CTNND2: variants seen among roughly 807,000 people sequenced by gnomAD.
The protein encoded by CTNND2 is catenin delta-2.
A neutral mutation model predicts 144.4 loss-of-function variants in CTNND2; 22 were observed. That is an observed-to-expected ratio of 0.15 (90% CI 0.11 to 0.22). The LOEUF is 0.22. Ranked by LOEUF, CTNND2 falls within the 10% of genes least tolerant of loss-of-function variation. The pLI is 1.00. For missense variants in CTNND2, 1,353 were observed against 1,618.8 expected, an observed-to-expected ratio of 0.84 and a Z score of 2.82; for synonymous variants, 751 against 695.6, an observed-to-expected ratio of 1.08 and a Z score of -1.25.
At chr5:11,236,910 C>G in intron 9 of CTNND2, 87 bp from the exon 10 acceptor site, 1 of 1,401,384 alleles carries the variant, frequency 7.1e-7, no homozygotes, top group East Asian at 2.3e-5. Context: ...ATGAAATGTA[C>G]CTGACTCTAA....
intron 9 of CTNND2, among the ~76,000 whole-genome samples, chr5:11,333,069 C>A (rs75148797): frequency 0.014 from 2,134 of 152,292 alleles, 25 homozygotes; most frequent in Admixed American, 0.031. Context: ...TGGACTAATA[C>A]ATATTCATCC....
At chr5:11,006,208 G>A (rs1314194661) in intron 18 of CTNND2, among the ~76,000 whole-genome samples, 2 of 152,216 alleles carry the variant, frequency 1.3e-5, no homozygotes, top group African/African-American at 4.8e-5. Context: ...AATAAGAATA[G>A]TGACAAAGCA....
intron 2 of CTNND2, among the ~76,000 whole-genome samples, chr5:11,647,670 G>C (rs1033462994): frequency 6.6e-6 from 1 of 151,880 alleles, no homozygotes; most frequent in Non-Finnish European, 1.5e-5. Flanking sequence ...TTCTTTCTGG[G>C]CTTCTCCACC....
chr5:11,319,347 A>T (rs1354271512), intron 9 of CTNND2, among the ~76,000 whole-genome samples: 2 of 152,188 alleles, frequency 1.3e-5, no homozygotes, highest in African/African-American at 2.4e-5. Context: ...GACCTACACA[A>T]TAATTTTGTG....
intron 2 of CTNND2, among the ~76,000 whole-genome samples, chr5:11,670,366 A>G (rs1783818169): frequency 6.6e-6 from 1 of 152,108 alleles, no homozygotes. Flanking sequence ...GTCTTCCATT[A>G]TTATTGTGTG....
chr5:11,186,771 AGT>A (rs1735673378), intron 11 of CTNND2, among the ~76,000 whole-genome samples: 1 of 152,230 alleles, frequency 6.6e-6, no homozygotes, highest in Non-Finnish European at 1.5e-5. Flanking sequence ...TGTTTTATCA[AGT>A]GCCTCCAAAG....
intron 16 of CTNND2, among the ~76,000 whole-genome samples, chr5:11,039,840 T>A (rs896798334): frequency 6.6e-6 from 1 of 152,096 alleles, no homozygotes; most frequent in East Asian, 1.9e-4. Context: ...GGCTGGTAGA[T>A]TGCATGAGGT....
chr5:11,160,677 G>A (rs985007165), intron 11 of CTNND2, among the ~76,000 whole-genome samples: 1 of 152,056 alleles, frequency 6.6e-6, no homozygotes, highest in South Asian at 2.1e-4. Context: ...ACCTAAACAC[G>A]TACCATCACT....
intron 8 of CTNND2, 56 bp from the exon 9 acceptor site, chr5:11,346,683 G>A: frequency 7.1e-7 from 1 of 1,409,348 alleles, no homozygotes; most frequent in African/African-American, 1.5e-5. Context: ...CACAGAAATG[G>A]TTAACCAGGT....
At chr5:11,361,883 T>A (rs988413566) in intron 8 of CTNND2, among the ~76,000 whole-genome samples, 8 of 152,212 alleles carry the variant, frequency 5.3e-5, no homozygotes, top group African/African-American at 1.9e-4. Flanking sequence ...TGGTCTTCGA[T>A]CTTTCTGCCC....
chr5:11,047,223 G>T (rs1157417060), intron 16 of CTNND2, among the ~76,000 whole-genome samples: 2 of 152,162 alleles, frequency 1.3e-5, no homozygotes, highest in African/African-American at 4.8e-5. Flanking sequence ...CAGAAAGCAG[G>T]GAAAGCTGCC....
chr5:11,412,359 A>C (rs1391117554), intron 3 of CTNND2, among the ~76,000 whole-genome samples: 3 of 152,152 alleles, frequency 2.0e-5, no homozygotes, highest in African/African-American at 7.2e-5. Flanking sequence ...CATTCTTTAC[A>C]ATAGCTTCTC....
intron 16 of CTNND2, among the ~76,000 whole-genome samples, chr5:11,058,194 A>G (rs1234119116): frequency 6.6e-6 from 1 of 152,244 alleles, no homozygotes; most frequent in Non-Finnish European, 1.5e-5. Context: ...GTTAATCCCC[A>G]AGACAATGGG....
At chr5:11,126,188 C>A (rs528260409) in intron 12 of CTNND2, among the ~76,000 whole-genome samples, 25 of 152,220 alleles carry the variant, frequency 1.6e-4, no homozygotes, top group African/African-American at 6.0e-4. Flanking sequence ...GCAATCCCAG[C>A]TACTTGGGAG....
intron 3 of CTNND2, among the ~76,000 whole-genome samples, chr5:11,434,070 C>T (rs2149879473): frequency 6.6e-6 from 1 of 152,192 alleles, no homozygotes; most frequent in Non-Finnish European, 1.5e-5. Context: ...GGAATGAGCC[C>T]AGAAACTAAT....
In CTNND2 at chr5:11,641,744, A is replaced by ATG. The variant is rs1319963803; in HGVS notation, c.175-76689_175-76688insCA. Reference sequence around the variant, plus strand: ...CATATACGTGTGTGTATATACATATACGTGTGTATGTACATACATATACGT... The same window carrying ATG: ...CATATACGTGTGTGTATATACATATATGCGTGTGTATGTACATACATATACGT... On this transcript the variant is annotated intron_variant, in intron 2 of 21. Transcript: ENST00000304623. Among the ~76,000 whole-genome samples the ATG allele has an allele frequency of 3.0e-4, 6 of 20,062 alleles. 1 individual carries two copies. The highest frequency in any genetic ancestry group is 5.1e-4 in the African/African-American group (5 of 9,804). The allele number at this position is 20,062 out of a possible 152,430, so 13.2% of individuals were successfully genotyped here.
intron 2 of CTNND2, among the ~76,000 whole-genome samples, chr5:11,708,719 C>G (rs1427824786): frequency 6.6e-6 from 1 of 152,086 alleles, no homozygotes; most frequent in African/African-American, 2.4e-5. Flanking sequence ...GGGCCATGAG[C>G]TCTGTTGCAG....
intron 9 of CTNND2, among the ~76,000 whole-genome samples, chr5:11,266,396 A>G (rs1483604681): frequency 6.6e-6 from 1 of 152,266 alleles, no homozygotes; most frequent in Admixed American, 6.5e-5. Context: ...TTGGAACAAG[A>G]CATAAAGCTG....
chr5:11,167,769 C>A (rs1420144361), intron 11 of CTNND2, among the ~76,000 whole-genome samples: 3 of 150,892 alleles, frequency 2.0e-5, no homozygotes, highest in African/African-American at 7.3e-5. Context: ...GATCATGGCT[C>A]ACATGGCTCA....
Sources: gnomAD v4.1 joint callset for allele counts (sites outside exome capture counted in the v4.1 genomes callset) on GRCh38, gnomAD v4.1.1 for gene constraint, MANE v1.5 for transcripts, NCBI Gene and HGNC (gene_info 2026-07-23, HGNC 2026-07-21) for gene names.